ABCC12: variants seen among roughly 807,000 people sequenced by gnomAD.
The protein encoded by ABCC12 is ATP-binding cassette sub-family C member 12.
In ABCC12, 142 loss-of-function variants were observed where a neutral mutation model predicts 151.1. The observed-to-expected ratio is 0.94, with a 90% CI of 0.82 to 1.08. The LOEUF (loss-of-function observed/expected upper bound fraction) is 1.08, where lower values mean the gene tolerates loss of function less well. ABCC12 is among the 50% of genes least tolerant of loss of function. The pLI is 0.00. For synonymous variants in ABCC12, 645 were observed against 646.4 expected (o/e 1.00, Z 0.03); for missense variants, 1,638 against 1,691.1 (o/e 0.97, Z 0.55).
chr16:48,104,842 A>C (rs2150605949), intron 21 of ABCC12, among the ~76,000 whole-genome samples: 1 of 152,264 alleles, frequency 6.6e-6, no homozygotes, highest in South Asian at 2.1e-4. Flanking sequence ...GCCGTGTCGC[A>C]CTCAGGGCTC....
intron 3 of ABCC12, among the ~76,000 whole-genome samples, 159 bp downstream of exon 3, chr16:48,146,147 G>C (rs868569596): frequency 6.6e-6 from 1 of 152,358 alleles, no homozygotes; most frequent in Middle Eastern, 3.4e-3. Flanking sequence ...AGGCAAGGAA[G>C]TGAGTGACTG....
At chr16:48,121,453 C>T (rs949113191) in intron 13 of ABCC12, 6 of 380,444 alleles carry the variant, frequency 1.6e-5, no homozygotes, top group South Asian at 6.2e-5. Context: ...CAGAGAACCT[C>T]GGAACATATG....
In ABCC12 at chr16:48,096,744, ACCTGG is replaced by A. The variant is rs1315554384; in HGVS notation, c.3192_3195+1del. The A allele has an allele frequency of 6.2e-7, 1 of 1,613,812 alleles. No individual in the cohort carries two copies. The highest frequency in any genetic ancestry group is 1.3e-5 in the African/African-American group (1 of 74,926). On this transcript the variant is annotated splice_donor_variant and coding_sequence_variant, in exon 24 of 31. Transcript: ENST00000311303. LOFTEE classifies it high-confidence loss of function. Reference sequence around the variant, plus strand: ...TAAGCCCAACTTTGCACCAGGCATTACCTGGATGATGTATGACAATGACAGGCCTT... The same window carrying A: ...TAAGCCCAACTTTGCACCAGGCATTAATGATGTATGACAATGACAGGCCTT...
At position 48,115,523 on chromosome 16, in the gene ABCC12, G is replaced by C; in HGVS notation, c.1881C>G (p.Asp627Glu). 6.2e-7 allele frequency: 1 copy of C among 1,614,220 alleles called. No homozygotes were observed. Among genetic ancestry groups the C allele is most frequent in the Non-Finnish European group, 8.5e-7 (1 of 1,180,040 alleles). Reference sequence around the variant, plus strand: ...GGGCGTCCACGGCCGACAGGGGGTCGTCCAGCAGGTAGAGCTGACGGTCGG... The same window carrying C: ...GGGCGTCCACGGCCGACAGGGGGTCCTCCAGCAGGTAGAGCTGACGGTCGG... ...VYSDRQLYLL[D>E]DPLSAVDAHV... The change falls in exon 15 of 31, where the codon GAC (aspartate) becomes GAG (glutamate). Residue 627 changes from aspartate (D) to glutamate (E), a missense_variant. Physicochemically the swap from Asp to Glu is conservative, Grantham distance 45. Coordinates refer to ENST00000311303, the MANE Select transcript of ABCC12 (RefSeq NM_001393797.1).
At chr16:48,101,336 G>A (rs1056218008) in intron 22 of ABCC12, among the ~76,000 whole-genome samples, 1 of 152,152 alleles carries the variant, frequency 6.6e-6, no homozygotes, top group Non-Finnish European at 1.5e-5. Context: ...CTAAGTATCA[G>A]CCAACCACTT....
At chr16:48,132,478 T>C (rs1964460585) in intron 9 of ABCC12, among the ~76,000 whole-genome samples, 1 of 152,248 alleles carries the variant, frequency 6.6e-6, no homozygotes, top group South Asian at 2.1e-4. Context: ...TCCCTGATTT[T>C]AGGTGCAATT....
At chr16:48,146,887 A>G (rs1159582893) in intron 2 of ABCC12, 1 of 176,592 alleles carries the variant, frequency 5.7e-6, no homozygotes, top group East Asian at 1.6e-4. Context: ...ACATGCACAC[A>G]CACATCCACA....
intron 20 of ABCC12, among the ~76,000 whole-genome samples, 193 bp from the exon 21 acceptor site, chr16:48,105,529 C>T (rs1022900778): frequency 6.6e-6 from 1 of 152,164 alleles, no homozygotes; most frequent in Non-Finnish European, 1.5e-5. Context: ...CCTGCTGGCA[C>T]TCATGACCCC....
At chr16:48,124,118 C>T in intron 12 of ABCC12, 95 bp downstream of exon 12, 1 of 1,321,212 alleles carries the variant, frequency 7.6e-7, no homozygotes, top group Non-Finnish European at 1.1e-6. Flanking sequence ...TCCAGTGCAG[C>T]CGAGGCCATC....
At position 48,124,227 on chromosome 16, in the gene ABCC12, C is replaced by T. The variant is rs369645703; in HGVS notation, c.1573G>A (p.Ala525Thr). ...VGSGKSSLLA[A>T]LLGQMQLQKG... ...ACACAGCTTACCTGTCCTAGGAGAG[C>T]TGCAAGGAGGGAGCTCTTTCCACTT... Residue 525 changes from alanine to threonine, a missense_variant, in exon 12 of 31, where the codon GCT becomes ACT. Physicochemically the swap from Ala to Thr is moderately conservative, Grantham distance 58. Coordinates refer to ENST00000311303, the MANE Select transcript of ABCC12 (RefSeq NM_001393797.1). 1.9e-6 allele frequency: 3 copies of T among 1,614,088 alleles called. No homozygotes were observed. The highest frequency in any genetic ancestry group is 1.3e-5 in the African/African-American group (1 of 74,928).
At chr16:48,103,811 C>A (rs541102203) in intron 22 of ABCC12, among the ~76,000 whole-genome samples, 136 of 152,298 alleles carry the variant, frequency 8.9e-4, no homozygotes, top group African/African-American at 3.0e-3. Context: ...CTAAACACAC[C>A]CATGGTTAGG....
rs1185060841 is a variant in ABCC12, at chr16:48,107,352, C to A, written c.2445G>T (p.Trp815Cys). 6.2e-7 allele frequency: 1 copy of A among 1,614,130 alleles called. No homozygotes were observed. The highest frequency in any genetic ancestry group is 1.7e-5 in the Admixed American group (1 of 60,018). The change falls in exon 20 of 31, where the codon TGG (tryptophan) becomes TGT (cysteine). Residue 815 changes from tryptophan (W) to cysteine (C), a missense_variant. By Grantham distance (215) the Trp-to-Cys change is radical. Coordinates refer to ENST00000311303, the MANE Select transcript of ABCC12 (RefSeq NM_001393797.1). ...MIGSAAFSNW[W>C]LGLWLDKGSR... ...AGCCCTTGTCCAACCAGAGACCCAGCCACCAGTTGCTGAAGGCAGCGCTGC... is the reference window on the plus strand; with the variant it reads ...AGCCCTTGTCCAACCAGAGACCCAGACACCAGTTGCTGAAGGCAGCGCTGC...
At chr16:48,114,158 C>T (rs1009795308) in intron 15 of ABCC12, among the ~76,000 whole-genome samples, 12 of 152,216 alleles carry the variant, frequency 7.9e-5, no homozygotes, top group African/African-American at 2.7e-4. Context: ...TGCTCAGGCC[C>T]ACTCAGAGGA....
intron 2 of ABCC12, among the ~76,000 whole-genome samples, chr16:48,146,942 G>C (rs74018285): frequency 0.032 from 4,882 of 151,060 alleles, 244 homozygotes; most frequent in African/African-American, 0.11. Context: ...CACACACACC[G>C]CCATGCGCAT....
chr16:48,102,278 C>G (rs1397198383), intron 22 of ABCC12, among the ~76,000 whole-genome samples: 3 of 152,206 alleles, frequency 2.0e-5, no homozygotes, highest in African/African-American at 7.2e-5. Context: ...TGATCATGGG[C>G]CACTACTTCA....
At chr16:48,126,900 T>C (rs568740478) in intron 11 of ABCC12, among the ~76,000 whole-genome samples, 35 of 152,278 alleles carry the variant, frequency 2.3e-4, no homozygotes, top group Admixed American at 4.6e-4. Context: ...AGCAAAGCCA[T>C]TGCGTGGCCA....
At chr16:48,114,448 G>A (rs1426899443) in intron 15 of ABCC12, among the ~76,000 whole-genome samples, 3 of 152,098 alleles carry the variant, frequency 2.0e-5, no homozygotes, top group African/African-American at 7.2e-5. Context: ...CCTTTGCAAA[G>A]ACCTGCTTCC....
chr16:48,151,589 T>C (rs1965118071), intron 2 of ABCC12, among the ~76,000 whole-genome samples: 1 of 152,240 alleles, frequency 6.6e-6, no homozygotes, highest in African/African-American at 2.4e-5. Context: ...CAAGGGTAGC[T>C]GGATATGGGG....
intron 11 of ABCC12, among the ~76,000 whole-genome samples, chr16:48,128,222 A>G (rs1964303569): frequency 6.6e-6 from 1 of 152,232 alleles, no homozygotes; most frequent in South Asian, 2.1e-4. Context: ...AACTGACTCT[A>G]AGAGAAGTAC....
Sources: allele counts gnomAD v4.1 joint callset (sites outside exome capture counted in the v4.1 genomes callset), GRCh38; gene constraint gnomAD v4.1.1; transcripts MANE v1.5; gene names NCBI Gene and HGNC (gene_info 2026-07-23, HGNC 2026-07-21).